The following HUNK variants were observed in gnomAD, a reference collection of about 807,000 sequenced individuals.
HUNK encodes the protein hormonally up-regulated Neu-associated kinase.
In HUNK, 21 loss-of-function variants were observed where a neutral mutation model predicts 61.0. The ratio of observed to expected loss-of-function variants is 0.34; its 90% CI spans 0.24 to 0.50. HUNK has a LOEUF of 0.50. HUNK is among the 20% of genes least tolerant of loss of function. The pLI, the probability that HUNK is intolerant of heterozygous loss-of-function variation, is 0.98. For synonymous variants in HUNK, 371 were observed against 386.1 expected (o/e 0.96, Z 0.46); for missense variants, 772 against 945.7 (o/e 0.82, Z 2.41).
At chr21:31,987,751 GAGGAACCT>G (rs1398011768) in intron 8 of HUNK, among the ~76,000 whole-genome samples, 4 of 152,168 alleles carry the variant, frequency 2.6e-5, no homozygotes, top group Non-Finnish European at 4.4e-5. Context: ...CTTGTCTCCC[GAGGAACCT>G]AGAAAGTGGA....
At chr21:31,982,086 C>T (rs932229276) in intron 7 of HUNK, among the ~76,000 whole-genome samples, 2 of 152,062 alleles carry the variant, frequency 1.3e-5, no homozygotes, top group Admixed American at 1.3e-4. Context: ...TGCCTAAGTG[C>T]TCTGGCTAGG....
intron 4 of HUNK, among the ~76,000 whole-genome samples, chr21:31,952,407 C>T (rs183071667): frequency 8.7e-4 from 132 of 152,242 alleles, no homozygotes; most frequent in African/African-American, 3.0e-3. Flanking sequence ...GTAAACTGGG[C>T]AGTTTCCGAG....
At chr21:31,943,141 C>A (rs755865921) in intron 3 of HUNK, among the ~76,000 whole-genome samples, 2 of 151,718 alleles carry the variant, frequency 1.3e-5, no homozygotes, top group Non-Finnish European at 2.9e-5. Context: ...TTAATAGTTT[C>A]TCTTTCTTTG....
At chr21:31,993,915 G>T (rs554457242) in intron 9 of HUNK, among the ~76,000 whole-genome samples, 1 of 152,268 alleles carries the variant, frequency 6.6e-6, no homozygotes, top group East Asian at 1.9e-4. Flanking sequence ...CTGCCTCTGG[G>T]CCTTTCCATC....
chr21:31,917,756 A>ACACACACACACC (rs758905742), intron 1 of HUNK, among the ~76,000 whole-genome samples: 1 of 122,410 alleles, frequency 8.2e-6, no homozygotes, highest in Non-Finnish European at 1.8e-5. Context: ...ACACACACAC[A>ACACACACACACC]CCCCTGGACT....
rs146853205 is a variant in HUNK at position 31,979,795 on chromosome 21, A to G, written c.1174-3731A>G. Among the ~76,000 whole-genome samples, 1,105 of 151,974 alleles carry G rather than the reference A, an allele frequency of 7.3e-3. 8 individuals are homozygous for G. Among genetic ancestry groups the G allele is most frequent in the East Asian group, 0.02 (103 of 5,108 alleles). ...CTCCCAAAGTGCTGGGATTACAGGC[A>G]TAAGCCACCACGCCCAGCTGCATTC... On this transcript the variant is annotated intron_variant, in intron 7 of 10. Coordinates refer to ENST00000270112, the MANE Select transcript of HUNK (RefSeq NM_014586.2).
At position 31,990,185 on chromosome 21, in the gene HUNK, T is replaced by C; in HGVS notation, c.1305+9T>C. The C allele has an allele frequency of 1.2e-6, 2 of 1,612,456 alleles. No individual in the cohort carries two copies. Among genetic ancestry groups the C allele is most frequent in the Non-Finnish European group, 1.7e-6 (2 of 1,178,758 alleles). ...AATTCCATGCCGTGCAGGTAAGAACTTGGGGGATTATTATGTTAGTCAGGG... is the reference window on the plus strand; with the variant it reads ...AATTCCATGCCGTGCAGGTAAGAACCTGGGGGATTATTATGTTAGTCAGGG... On this transcript the variant is annotated intron_variant, in intron 9 of 10. Transcript: ENST00000270112.
At chr21:31,906,187 T>G (rs1601369880) in intron 1 of HUNK, among the ~76,000 whole-genome samples, 1 of 152,308 alleles carries the variant, frequency 6.6e-6, no homozygotes, top group East Asian at 1.9e-4. Context: ...GCAAGCACTT[T>G]CCATTATTTA....
intron 2 of HUNK, among the ~76,000 whole-genome samples, chr21:31,934,486 G>A (rs1319638502): frequency 6.7e-6 from 1 of 149,404 alleles, no homozygotes; most frequent in African/African-American, 2.5e-5. Context: ...GAAACCTTAT[G>A]AAGAAATTCA....
At chr21:31,890,286 C>T (rs570479794) in intron 1 of HUNK, among the ~76,000 whole-genome samples, 55 of 151,224 alleles carry the variant, frequency 3.6e-4, no homozygotes, top group Admixed American at 1.7e-3. Flanking sequence ...TGGAGTGCAA[C>T]GGCACAGTCT....
At chr21:31,910,490 C>CTT (rs34782673) in intron 1 of HUNK, among the ~76,000 whole-genome samples, 13 of 136,686 alleles carry the variant, frequency 9.5e-5, no homozygotes, top group African/African-American at 1.4e-4. Context: ...TCAGGATATC[C>CTT]TTTTTTTTTT....
intron 7 of HUNK, among the ~76,000 whole-genome samples, chr21:31,979,708 G>A (rs1430563895): frequency 1.3e-5 from 2 of 150,828 alleles, no homozygotes; most frequent in Admixed American, 6.6e-5. Flanking sequence ...GTAGAGACAG[G>A]GTTTCACCGT....
chr21:31,881,265 A>T (rs191962659), intron 1 of HUNK, among the ~76,000 whole-genome samples: 1 of 152,302 alleles, frequency 6.6e-6, no homozygotes, highest in African/African-American at 2.4e-5. Context: ...TTCCATGCGC[A>T]TTTTGGATAT....
chr21:31,964,051 C>T (rs577967598), intron 5 of HUNK, among the ~76,000 whole-genome samples: 3 of 152,246 alleles, frequency 2.0e-5, no homozygotes, highest in South Asian at 2.1e-4. Context: ...CACAGAGTAG[C>T]GAATGCCTTT....
intron 7 of HUNK, among the ~76,000 whole-genome samples, chr21:31,982,412 G>A (rs996168196): frequency 9.2e-5 from 14 of 152,076 alleles, no homozygotes; most frequent in Admixed American, 5.9e-4. Context: ...GCATTGTCCC[G>A]GTTATTAATT....
chr21:31,946,300 C>A, intron 4 of HUNK, 129 bp downstream of exon 4: 1 of 893,382 alleles, frequency 1.1e-6, no homozygotes. Context: ...ATCAGGGATT[C>A]TTTGGGGCCT....
rs2052640398 is a variant in HUNK, at chr21:31,923,714, C to T, written c.262-754C>T. Among the ~76,000 whole-genome samples, 4 of 152,070 alleles carry T rather than the reference C, an allele frequency of 2.6e-5. No homozygotes were observed. In the South Asian group the frequency reaches 8.3e-4, roughly 32 times the overall value. Reference sequence around the variant, plus strand: ...CAATCTTCCCTTCCCTCTGTTCCTCCATCCTTCCTTCTGTTCTTCCCTCCC... The same window carrying T: ...CAATCTTCCCTTCCCTCTGTTCCTCTATCCTTCCTTCTGTTCTTCCCTCCC... On this transcript the variant is annotated intron_variant, in intron 1 of 10. Transcript: ENST00000270112.
chr21:31,974,618 G>C lies in HUNK; in HGVS notation c.1074G>C (p.Lys358Asn). 6.2e-7 allele frequency: 1 copy of C among 1,613,590 alleles called. No individual in the cohort carries two copies. The highest frequency in any genetic ancestry group is 8.5e-7 in the Non-Finnish European group (1 of 1,179,874). Residue 358 changes from lysine to asparagine, a missense_variant, in exon 7 of 11, where the codon AAG (lysine) becomes AAC (asparagine). By Grantham distance (94) the Lys-to-Asn change is moderately conservative (BLOSUM62 0). Around this residue, in one of 2 missense-constraint regions of HUNK, gnomAD observed 359 missense variants for 501.3 expected, o/e 0.72. Transcript: ENST00000270112. ...VLHMTEKLGY[K>N]NSDVINTVLS... is the part of the protein sequence containing the mutation. ...ACATGACCGAGAAGCTGGGTTACAA[G>C]AACAGCGACGTGATCAACACTGTGC...
chr21:31,989,402 G>C (rs552746460), intron 8 of HUNK, among the ~76,000 whole-genome samples: 1 of 152,262 alleles, frequency 6.6e-6, no homozygotes, highest in South Asian at 2.1e-4. Context: ...CCAGCAATCT[G>C]TGCTATTAGA....
Sources: gnomAD v4.1 joint callset for allele counts (sites outside exome capture counted in the v4.1 genomes callset) on GRCh38, gnomAD v4.1.1 for gene constraint, gnomAD v4.1.1 regional missense constraint, MANE v1.5 for transcripts, NCBI Gene and HGNC (gene_info 2026-07-23, HGNC 2026-07-21) for gene names.